Variants in GULP1 observed in about 807,000 individuals in gnomAD.
GULP1 encodes the protein PTB domain-containing engulfment adapter protein 1.
Under a neutral mutation model 40.9 loss-of-function variants are expected in GULP1, and 19 were observed. That is an observed-to-expected ratio of 0.46 (90% CI 0.32 to 0.68). The LOEUF (loss-of-function observed/expected upper bound fraction) is 0.68. Among genes scored for constraint, GULP1 ranks in the 30% least tolerant of loss-of-function variants. The pLI is 0.03. For missense variants in GULP1, 312 were observed against 362.2 expected, an observed-to-expected ratio of 0.86 and a Z score of 1.12; for synonymous variants, 119 against 117.6, an observed-to-expected ratio of 1.01 and a Z score of -0.08.
At chr2:188,377,970 G>A (rs2048504101) in intron 1 of GULP1, among the ~76,000 whole-genome samples, 1 of 152,090 alleles carries the variant, frequency 6.6e-6, no homozygotes, top group African/African-American at 2.4e-5. Flanking sequence ...ATTATATACA[G>A]ACTTTGATCC....
At chr2:188,584,462 A>G (rs997978495) in intron 10 of GULP1, 59 bp downstream of exon 10, 5 of 925,070 alleles carry the variant, frequency 5.4e-6, no homozygotes, top group African/African-American at 1.7e-5. Context: ...TTAAATATAT[A>G]ATTAAGACTT....
intron 4 of GULP1, among the ~76,000 whole-genome samples, chr2:188,507,675 C>T (rs1202982182): frequency 6.6e-6 from 1 of 151,822 alleles, no homozygotes. Context: ...AGTGGCATGT[C>T]ACAAAATGCT....
At chr2:188,580,361 G>A (rs1185979427) in intron 9 of GULP1, among the ~76,000 whole-genome samples, 1 of 151,888 alleles carries the variant, frequency 6.6e-6, no homozygotes, top group Non-Finnish European at 1.5e-5. Flanking sequence ...AGACCATCCC[G>A]GCTAAAACGG....
chr2:188,369,096 A>G (rs1333163480), intron 1 of GULP1, among the ~76,000 whole-genome samples: 4 of 149,982 alleles, frequency 2.7e-5, no homozygotes, highest in Non-Finnish European at 5.9e-5. Flanking sequence ...GAGTAGCTGG[A>G]ACTACAGGTG....
intron 7 of GULP1, among the ~76,000 whole-genome samples, chr2:188,568,725 C>A (rs1174021494): frequency 6.6e-6 from 1 of 152,102 alleles, no homozygotes; most frequent in Non-Finnish European, 1.5e-5. Context: ...AGCAGGTGTT[C>A]CATTTAGAGG....
intron 7 of GULP1, among the ~76,000 whole-genome samples, chr2:188,565,498 C>T (rs1008448602): frequency 1.3e-5 from 2 of 152,014 alleles, no homozygotes; most frequent in Non-Finnish European, 2.9e-5. Context: ...TATAGCATCA[C>T]TCATCCAATA....
chr2:188,376,914 C>G (rs925739703), intron 1 of GULP1, among the ~76,000 whole-genome samples: 1 of 152,152 alleles, frequency 6.6e-6, no homozygotes, highest in African/African-American at 2.4e-5. Flanking sequence ...TGGCTCATGC[C>G]TGTAATCCCA....
At chr2:188,416,683 C>T (rs1482372944) in intron 2 of GULP1, among the ~76,000 whole-genome samples, 1 of 152,132 alleles carries the variant, frequency 6.6e-6, no homozygotes, top group Non-Finnish European at 1.5e-5. Context: ...TTTGTGTCCT[C>T]CATCCTGAGA....
chr2:188,420,465 G>A lies in GULP1; in HGVS notation c.-45+36576G>A, dbSNP rs565407232. Among the ~76,000 whole-genome samples, 14 of 152,272 alleles carry A rather than the reference G, an allele frequency of 9.2e-5. No individual in the cohort carries two copies. In the South Asian group the frequency reaches 2.7e-3, roughly 29 times the overall value. On this transcript the variant is annotated intron_variant, in intron 2 of 11. Coordinates refer to ENST00000409830, the MANE Select transcript of GULP1 (RefSeq NM_016315.4). Reference sequence around the variant, plus strand: ...TTCACTCCTGTAGTTTGGTGGGCAGGAGTGTTACAGTTCTGCTGCCCTCAG... The same window carrying A: ...TTCACTCCTGTAGTTTGGTGGGCAGAAGTGTTACAGTTCTGCTGCCCTCAG...
intron 4 of GULP1, among the ~76,000 whole-genome samples, chr2:188,488,271 GC>G (rs984291258): frequency 6.6e-6 from 1 of 152,008 alleles, no homozygotes; most frequent in African/African-American, 2.4e-5. Flanking sequence ...AATTAGAGCA[GC>G]CATTTCTGGG....
At chr2:188,581,829 G>A (rs1027710641) in intron 9 of GULP1, among the ~76,000 whole-genome samples, 2 of 152,096 alleles carry the variant, frequency 1.3e-5, no homozygotes, top group Admixed American at 1.3e-4. Flanking sequence ...TGTATTTATT[G>A]TAATAAGGAC....
intron 1 of GULP1, among the ~76,000 whole-genome samples, chr2:188,361,877 A>G (rs1424881576): frequency 6.6e-6 from 1 of 152,090 alleles, no homozygotes; most frequent in Admixed American, 6.6e-5. Context: ...TCTTAATTCA[A>G]AGAGATTTTG....
chr2:188,312,415 G>A (rs937153532), intron 1 of GULP1, among the ~76,000 whole-genome samples: 2 of 152,068 alleles, frequency 1.3e-5, no homozygotes, highest in African/African-American at 4.8e-5. Flanking sequence ...TTCTGTTTCT[G>A]TGTTAGTTTG....
chr2:188,455,053 G>T (rs531625336), intron 2 of GULP1, among the ~76,000 whole-genome samples: 22 of 152,148 alleles, frequency 1.4e-4, no homozygotes, highest in African/African-American at 5.1e-4. Context: ...GATCACTTAA[G>T]CCTAGGAGTT....
intron 4 of GULP1, among the ~76,000 whole-genome samples, chr2:188,518,235 T>C (rs1419132850): frequency 6.6e-6 from 1 of 151,830 alleles, no homozygotes. Context: ...AAGGGGGTGC[T>C]CCCAGAAGAA....
chr2:188,536,385 A>G (rs1290667594), intron 6 of GULP1, among the ~76,000 whole-genome samples: 2 of 152,168 alleles, frequency 1.3e-5, no homozygotes, highest in Non-Finnish European at 2.9e-5. Context: ...GTAGGGGTCC[A>G]GTTTCATTCT....
rs753800783 is a variant in GULP1, at chr2:188,419,010, A to G, written c.-45+35121A>G. Among the ~76,000 whole-genome samples the G allele has an allele frequency of 9.7e-4, 148 of 152,336 alleles. 6 individuals carry two copies. Among genetic ancestry groups the G allele is most frequent in the Middle Eastern group, 3.4e-3 (1 of 294 alleles). On this transcript the variant is annotated intron_variant, in intron 2 of 11. Transcript: ENST00000409830. The stretch of plus-strand genomic sequence containing the variant: ...CTGTGACTGGCTTATTTCACTTAGT[A>G]CAGTGTCCTCAAGGTTCATCTATGC...
At chr2:188,456,646 A>G (rs983947402) in intron 2 of GULP1, among the ~76,000 whole-genome samples, 11 of 152,202 alleles carry the variant, frequency 7.2e-5, no homozygotes. Context: ...ACAGCGAGGA[A>G]GGGAAATGTG....
intron 2 of GULP1, among the ~76,000 whole-genome samples, chr2:188,477,177 T>C (rs2061083709): frequency 6.6e-6 from 1 of 152,144 alleles, no homozygotes; most frequent in African/African-American, 2.4e-5. Context: ...TTTCATACCT[T>C]TCCTAATGTG....
Sources: allele counts gnomAD v4.1 joint callset (sites outside exome capture counted in the v4.1 genomes callset), GRCh38; gene constraint gnomAD v4.1.1; transcripts MANE v1.5; gene names NCBI Gene and HGNC (gene_info 2026-07-23, HGNC 2026-07-21).